Variants in EPB41L5 observed in about 807,000 individuals in gnomAD.
EPB41L5 encodes erythrocyte membrane protein band 4.1 like 5.
A neutral mutation model predicts 106.6 loss-of-function variants in EPB41L5; 55 were observed. That is an observed-to-expected ratio of 0.52 (90% confidence interval 0.42 to 0.65). The LOEUF (loss-of-function observed/expected upper bound fraction) is 0.65, where lower values mean the gene tolerates loss of function less well. EPB41L5 is among the 30% of genes least tolerant of loss of function. The pLI, the probability that EPB41L5 is intolerant of heterozygous loss-of-function variation, is 0.00. For synonymous variants in EPB41L5, 297 were observed against 306.7 expected (o/e 0.97, Z 0.33); for missense variants, 871 against 882.1 (o/e 0.99, Z 0.16).
intron 3 of EPB41L5, among the ~76,000 whole-genome samples, chr2:120,048,373 C>T (rs1288675837): frequency 1.3e-5 from 2 of 152,066 alleles, no homozygotes; most frequent in Admixed American, 1.3e-4. Context: ...TCAGCTTCTT[C>T]CTGGTTTAGT....
chr2:120,074,399 A>G, intron 5 of EPB41L5: 1 of 440,606 alleles, frequency 2.3e-6, no homozygotes, highest in Non-Finnish European at 4.0e-6. Flanking sequence ...GCATCCTCCA[A>G]AGGTGACTAG....
intron 16 of EPB41L5, among the ~76,000 whole-genome samples, chr2:120,116,525 G>A (rs932815586): frequency 4.0e-5 from 6 of 151,806 alleles, no homozygotes; most frequent in African/African-American, 1.2e-4. Context: ...AATGATGAAT[G>A]GCGTTTTGTT....
chr2:120,049,010 C>A (rs1207226476), intron 3 of EPB41L5, among the ~76,000 whole-genome samples: 1 of 152,164 alleles, frequency 6.6e-6, no homozygotes, highest in African/African-American at 2.4e-5. Context: ...AGTTTGATTG[C>A]ACTGTGGTCT....
chr2:120,087,720 C>T (rs1400475385), intron 11 of EPB41L5, among the ~76,000 whole-genome samples: 1 of 152,164 alleles, frequency 6.6e-6, no homozygotes, highest in African/African-American at 2.4e-5. Flanking sequence ...AACTCTTGGC[C>T]TTAAGTAATC....
At chr2:120,061,255 C>G (rs1315793169) in intron 3 of EPB41L5, among the ~76,000 whole-genome samples, 1 of 146,160 alleles carries the variant, frequency 6.8e-6, no homozygotes, top group Non-Finnish European at 1.5e-5. Context: ...CGGAGTCTCG[C>G]TCTGTCGCCC....
At chr2:120,042,960 A>G (rs1009201258) in intron 3 of EPB41L5, among the ~76,000 whole-genome samples, 18 of 150,922 alleles carry the variant, frequency 1.2e-4, no homozygotes, top group Admixed American at 8.6e-4. Flanking sequence ...CACAGATGAT[A>G]AGGATATCAT....
Position 120,087,278 on chromosome 2 carries a change from T to A in EPB41L5, c.873+38T>A, listed in dbSNP as rs1228974488. 7.4e-6 allele frequency: 9 copies of A among 1,220,654 alleles called. No individual in the cohort carries two copies. The South Asian group carries it at 1.1e-4, about 15-fold the overall frequency. The allele number at this position is 1,220,654 out of a possible 1,614,324, so 75.6% of individuals were successfully genotyped here. ...TTATATTCTATTACTTGTGTAACAG[T>A]GACTGTATTATGTGGTAACTTATTT... On this transcript the variant is annotated intron_variant, in intron 11 of 24. Coordinates refer to ENST00000263713, the MANE Select transcript of EPB41L5 (RefSeq NM_020909.4).
rs556995607 is a variant in EPB41L5 at position 120,164,993 on chromosome 2, T to TAATA, written c.1962+85_1962+88dup. ...TGCTAGATTCCAGTTTTTTCCTTTT[T>TAATA]AATAATTCAGTTAAACTTTTCATTT... On this transcript the variant is annotated intron_variant, in intron 22 of 24. Transcript: ENST00000263713. 5,490 of 1,036,740 alleles carry TAATA rather than the reference T, an allele frequency of 5.3e-3. 27 individuals carry two copies. The highest frequency in any genetic ancestry group is 6.5e-3 in the Non-Finnish European group (4,549 of 695,280). 64.2% of individuals were successfully genotyped at this position (1,036,740 alleles called of 1,614,324 possible).
chr2:120,022,434 T>C (rs1195288811), intron 2 of EPB41L5, among the ~76,000 whole-genome samples: 1 of 150,710 alleles, frequency 6.6e-6, no homozygotes, highest in Non-Finnish European at 1.5e-5. Flanking sequence ...ACATGTGGTG[T>C]TTGGTTTTCT....
At chr2:120,159,780 C>T (rs1687066117) in intron 20 of EPB41L5, among the ~76,000 whole-genome samples, 2 of 152,162 alleles carry the variant, frequency 1.3e-5, no homozygotes, top group Admixed American at 6.6e-5. Flanking sequence ...TTTGACAAAG[C>T]TGACAGAAAC....
At position 120,072,929 on chromosome 2, in the gene EPB41L5, T is replaced by TAA. The variant is rs11397278; in HGVS notation, c.286-237_286-236dup. Among the ~76,000 whole-genome samples, 838 of 147,522 alleles carry TAA rather than the reference T, an allele frequency of 5.7e-3. 4 individuals are homozygous for TAA. Among genetic ancestry groups the TAA allele is most frequent in the African/African-American group, 0.018 (743 of 40,178 alleles). On this transcript the variant is annotated intron_variant, in intron 3 of 24. Transcript: ENST00000263713. ...CATGTATCCCAGAACTTAAAGTATT[T>TAA]AAAAAAAAAAAAAGTCATCTGTCAG...
intron 18 of EPB41L5, among the ~76,000 whole-genome samples, chr2:120,136,979 C>A (rs764833333): frequency 6.6e-6 from 1 of 151,880 alleles, no homozygotes; most frequent in Non-Finnish European, 1.5e-5. Context: ...TGTTAAGTCA[C>A]AAAACAAGTC....
intron 16 of EPB41L5, among the ~76,000 whole-genome samples, chr2:120,109,772 G>C (rs899510291): frequency 1.3e-5 from 2 of 152,138 alleles, no homozygotes; most frequent in African/African-American, 4.8e-5. Flanking sequence ...TTGTTTCACA[G>C]GTAGCAAAAC....
At chr2:120,166,968 T>A (rs17624225) in intron 22 of EPB41L5, among the ~76,000 whole-genome samples, 1 of 152,190 alleles carries the variant, frequency 6.6e-6, no homozygotes, top group Non-Finnish European at 1.5e-5. Context: ...GGTGTTTTTA[T>A]TGCGCTTTCT....
At chr2:120,124,892 A>G (rs1238372680) in intron 16 of EPB41L5, among the ~76,000 whole-genome samples, 1 of 152,136 alleles carries the variant, frequency 6.6e-6, no homozygotes. Flanking sequence ...GAGGTTAAAC[A>G]TTTTTACTAA....
At chr2:120,131,407 G>A (rs1426439572) in intron 17 of EPB41L5, among the ~76,000 whole-genome samples, 1 of 152,068 alleles carries the variant, frequency 6.6e-6, no homozygotes, top group Non-Finnish European at 1.5e-5. Flanking sequence ...GATATAGGGT[G>A]GTGTTTCTAC....
intron 21 of EPB41L5, among the ~76,000 whole-genome samples, chr2:120,161,942 C>T (rs1687155639): frequency 6.6e-6 from 1 of 152,186 alleles, no homozygotes. Context: ...TTGTCTTCCA[C>T]AAAACTGGTC....
chr2:120,047,469 G>T (rs1172495923), intron 3 of EPB41L5, among the ~76,000 whole-genome samples: 9 of 151,730 alleles, frequency 5.9e-5, no homozygotes, highest in Non-Finnish European at 3.0e-5. Context: ...GTTTGTCTGT[G>T]ATTGGTGTAT....
intron 17 of EPB41L5, among the ~76,000 whole-genome samples, chr2:120,129,119 C>T (rs1049824452): frequency 3.9e-5 from 6 of 152,118 alleles, no homozygotes; most frequent in African/African-American, 1.4e-4. Flanking sequence ...GAAGCCCAAA[C>T]CATGGTACCA....
Sources: allele counts gnomAD v4.1 joint callset (sites outside exome capture counted in the v4.1 genomes callset), GRCh38; gene constraint gnomAD v4.1.1; transcripts MANE v1.5; gene names NCBI Gene and HGNC (gene_info 2026-07-23, HGNC 2026-07-21).